The following TP63 variants were observed in gnomAD, a reference collection of about 807,000 sequenced individuals.
TP63 encodes the protein tumor protein 63.
A neutral mutation model predicts 82.8 loss-of-function variants in TP63; 17 were observed. The ratio of observed to expected loss-of-function variants is 0.21; its 90% confidence interval spans 0.14 to 0.31. The LOEUF is 0.31. TP63 is among the 10% of genes least tolerant of loss of function. The pLI is 1.00. For synonymous variants in TP63, 330 were observed against 321.7 expected, an observed-to-expected ratio of 1.03 and a Z score of -0.28; for missense variants, 648 against 895.3, an observed-to-expected ratio of 0.72 and a Z score of 3.52.
chr3:189,877,819 T>C (rs777629880), intron 10 of TP63, among the ~76,000 whole-genome samples: 4 of 152,228 alleles, frequency 2.6e-5, no homozygotes, highest in African/African-American at 7.2e-5. Flanking sequence ...TTCTGCTACA[T>C]TGGCAGTTAA....
chr3:189,860,553 G>A (rs948419094), intron 4 of TP63, among the ~76,000 whole-genome samples: 12 of 152,170 alleles, frequency 7.9e-5, no homozygotes, highest in Non-Finnish European at 1.8e-4. Flanking sequence ...AGAAAAAAAA[G>A]CGATTGTGCC....
chr3:189,861,590 GT>G (rs1264144494), intron 4 of TP63, among the ~76,000 whole-genome samples: 1 of 152,090 alleles, frequency 6.6e-6, no homozygotes, highest in Non-Finnish European at 1.5e-5. Context: ...CTAGCCCAAA[GT>G]TTTTTCAACT....
intron 1 of TP63, among the ~76,000 whole-genome samples, chr3:189,682,551 A>ATT (rs1235058586): frequency 1.3e-4 from 4 of 30,880 alleles, no homozygotes; most frequent in African/African-American, 5.8e-4. Context: ...AAAAAAAAAA[A>ATT]AAATATATAT....
chr3:189,706,507 GC>G (rs1431375032), intron 1 of TP63, among the ~76,000 whole-genome samples: 1 of 152,132 alleles, frequency 6.6e-6, no homozygotes, highest in Non-Finnish European at 1.5e-5. Flanking sequence ...GCTGGCCTCG[GC>G]CTCCCAGAGT....
At chr3:189,756,605 G>A (rs558844699) in intron 3 of TP63, among the ~76,000 whole-genome samples, 7 of 152,132 alleles carry the variant, frequency 4.6e-5, no homozygotes, top group Non-Finnish European at 1.0e-4. Context: ...TTACAAAAGG[G>A]GCTGTTTGCC....
chr3:189,770,952 T>G (rs768445851), intron 3 of TP63, among the ~76,000 whole-genome samples: 1,653 of 152,256 alleles, frequency 0.011, 13 homozygotes, highest in Non-Finnish European at 0.017. Context: ...CTCTACAGTT[T>G]AAAAAGTCAT....
intron 3 of TP63, among the ~76,000 whole-genome samples, chr3:189,772,061 T>C (rs9824061): frequency 0.1 from 15,641 of 152,250 alleles, 866 homozygotes; most frequent in African/African-American, 0.14. Context: ...GACAGTTAAA[T>C]AAACAAACCA....
At chr3:189,734,171 C>CTTTTT (rs57302272) in intron 1 of TP63, among the ~76,000 whole-genome samples, 1 of 84,652 alleles carries the variant, frequency 1.2e-5, no homozygotes, top group Non-Finnish European at 2.4e-5. Flanking sequence ...TCCCTCCCTT[C>CTTTTT]TTTTTTTTTT....
At chr3:189,699,798 CAAAG>C (rs1717667532) in intron 1 of TP63, among the ~76,000 whole-genome samples, 1 of 151,596 alleles carries the variant, frequency 6.6e-6, no homozygotes, top group Non-Finnish European at 1.5e-5. Flanking sequence ...TGCTTGTTCT[CAAAG>C]AAAAAAAGGA....
intron 1 of TP63, among the ~76,000 whole-genome samples, chr3:189,687,840 G>C (rs758762650): frequency 1.3e-5 from 2 of 152,144 alleles, no homozygotes; most frequent in Non-Finnish European, 2.9e-5. Flanking sequence ...AAATGTAGCA[G>C]GTGTCCAATA....
At chr3:189,849,040 G>A (rs1347379903) in intron 4 of TP63, among the ~76,000 whole-genome samples, 1 of 152,162 alleles carries the variant, frequency 6.6e-6, no homozygotes, top group African/African-American at 2.4e-5. Flanking sequence ...AATCAATCAT[G>A]GCTAGATAAT....
intron 1 of TP63, among the ~76,000 whole-genome samples, chr3:189,650,929 G>C (rs1712835116): frequency 6.8e-6 from 1 of 146,972 alleles, no homozygotes; most frequent in Non-Finnish European, 1.5e-5. Context: ...AGGAAGATGT[G>C]GGAAGGTTTG....
the TP63 span, among the ~76,000 whole-genome samples, chr3:189,608,311 T>G: frequency 2.0e-5 from 3 of 152,236 alleles, no homozygotes; most frequent in South Asian, 6.2e-4. Context: ...AATGTCTGTG[T>G]AAAAACTTCA....
chr3:189,777,081 GA>G (rs1488434251), intron 3 of TP63, among the ~76,000 whole-genome samples: 1 of 152,174 alleles, frequency 6.6e-6, no homozygotes, highest in Non-Finnish European at 1.5e-5. Flanking sequence ...TCAAGTATGA[GA>G]AAGATACAGA....
At chr3:189,865,868 T>A (rs1717661991) in intron 5 of TP63, among the ~76,000 whole-genome samples, 1 of 152,236 alleles carries the variant, frequency 6.6e-6, no homozygotes, top group Admixed American at 6.5e-5. Context: ...GTAAGCGTTT[T>A]CCCATTTTTT....
At chr3:189,657,271 G>A (rs558569414) in intron 1 of TP63, among the ~76,000 whole-genome samples, 55 of 152,116 alleles carry the variant, frequency 3.6e-4, no homozygotes, top group Non-Finnish European at 7.4e-4. Context: ...ATGCATACAT[G>A]ATATTATGAA....
chr3:189,700,918 C>T (rs540360539), intron 1 of TP63, among the ~76,000 whole-genome samples: 3 of 152,198 alleles, frequency 2.0e-5, no homozygotes, highest in South Asian at 4.1e-4. Flanking sequence ...ATTAATATCA[C>T]CCAAATCTCT....
At chr3:189,743,796 G>C (rs1721172626) in intron 3 of TP63, among the ~76,000 whole-genome samples, 2 of 152,174 alleles carry the variant, frequency 1.3e-5, no homozygotes, top group South Asian at 4.1e-4. Context: ...TGAGGGATCA[G>C]CTGGTAGCCT....
intron 3 of TP63, among the ~76,000 whole-genome samples, chr3:189,780,199 A>T (rs1242986116): frequency 6.6e-6 from 1 of 152,218 alleles, no homozygotes; most frequent in East Asian, 1.9e-4. Flanking sequence ...TGTTGGAGAT[A>T]ACAGAGGAAC....
Sources: gnomAD v4.1 joint callset for allele counts (sites outside exome capture counted in the v4.1 genomes callset) on GRCh38, gnomAD v4.1.1 for gene constraint, MANE v1.5 for transcripts, NCBI Gene and HGNC (gene_info 2026-07-23, HGNC 2026-07-21) for gene names.